Variants in RBFOX1 observed in about 807,000 individuals in gnomAD.
The protein encoded by RBFOX1 is RNA binding protein fox-1 homolog 1.
A neutral mutation model predicts 57.7 loss-of-function variants in RBFOX1; 8 were observed. That is an observed-to-expected ratio of 0.14 (90% CI 0.08 to 0.25). RBFOX1 has a LOEUF of 0.25. RBFOX1 is among the 10% of genes least tolerant of loss of function. The pLI, the probability that RBFOX1 is intolerant of heterozygous loss-of-function variation, is 1.00. For missense variants in RBFOX1, 611 were observed against 548.5 expected (o/e 1.11, Z -1.14); for synonymous variants, 326 against 222.4 (o/e 1.47, Z -4.15).
chr16:5,555,626 C>T (rs2045639711), intron 2 of RBFOX1, among the ~76,000 whole-genome samples: 1 of 152,156 alleles, frequency 6.6e-6, no homozygotes, highest in Non-Finnish European at 1.5e-5. Context: ...TGAAAGTTAC[C>T]ATAATCTGGA....
intron 4 of RBFOX1, among the ~76,000 whole-genome samples, chr16:7,505,813 C>A (rs139419546): frequency 3.3e-5 from 5 of 152,308 alleles, no homozygotes; most frequent in Middle Eastern, 3.4e-3. Context: ...GAATCTGTAA[C>A]ATGGATTCTG....
intron 3 of RBFOX1, among the ~76,000 whole-genome samples, chr16:6,892,810 C>G (rs1029953816): frequency 8.0e-5 from 8 of 99,756 alleles, no homozygotes; most frequent in African/African-American, 2.0e-4. Flanking sequence ...CTCTCTCTCT[C>G]TCTCTCTCTC....
chr16:7,419,046 A>T (rs908800434), intron 4 of RBFOX1, among the ~76,000 whole-genome samples: 1 of 152,094 alleles, frequency 6.6e-6, no homozygotes, highest in African/African-American at 2.4e-5. Flanking sequence ...CTGGGACTAC[A>T]GGTGTTCGTC....
At chr16:6,419,610 A>T (rs982392278) in intron 2 of RBFOX1, among the ~76,000 whole-genome samples, 1 of 152,190 alleles carries the variant, frequency 6.6e-6, no homozygotes, top group African/African-American at 2.4e-5. Context: ...TTCAGAAAAC[A>T]TTCAGAGAGA....
chr16:6,942,422 A>G (rs1192710071), intron 3 of RBFOX1, among the ~76,000 whole-genome samples: 2 of 152,110 alleles, frequency 1.3e-5, no homozygotes, highest in Admixed American at 1.3e-4. Flanking sequence ...GCCTCCCAAA[A>G]TGCTGGGATT....
intron 4 of RBFOX1, among the ~76,000 whole-genome samples, chr16:7,345,379 C>G (rs866108984): frequency 6.6e-6 from 1 of 152,178 alleles, no homozygotes; most frequent in Non-Finnish European, 1.5e-5. Flanking sequence ...CGATGACCAT[C>G]TTAATAAGGC....
rs527353703 is a variant in RBFOX1 at position 6,533,304 on chromosome 16, T to G, written c.-63-121299T>G. ...TTGATTTGAATGCTTTTGGGGAGAA[T>G]GCAGTATCATCAGGAAAATTTGAGA... On this transcript the variant is annotated intron_variant, in intron 2 of 15. Coordinates refer to ENST00000550418, the MANE Select transcript of RBFOX1 (RefSeq NM_018723.4). Among the ~76,000 whole-genome samples, 15 of 152,326 alleles carry G rather than the reference T, an allele frequency of 9.8e-5. 1 individual carries two copies. The highest frequency in any genetic ancestry group is 7.2e-4 in the Admixed American group (11 of 15,300).
chr16:6,676,427 G>C (rs2057701502), intron 3 of RBFOX1, among the ~76,000 whole-genome samples: 1 of 152,194 alleles, frequency 6.6e-6, no homozygotes, highest in Middle Eastern at 3.4e-3. Context: ...AGTAAATAAA[G>C]GTGCCAGGAA....
chr16:6,516,702 G>A (rs757391232), intron 2 of RBFOX1, among the ~76,000 whole-genome samples: 1 of 152,184 alleles, frequency 6.6e-6, no homozygotes, highest in African/African-American at 2.4e-5. Flanking sequence ...CGTGGTGCTA[G>A]TTGCAAGTAA....
intron 4 of RBFOX1, chr16:7,304,218 GA>G: frequency 5.9e-6 from 1 of 169,582 alleles, no homozygotes; most frequent in Admixed American, 9.1e-5. Flanking sequence ...GAGAGACAGA[GA>G]GAGAGAGAGA....
At chr16:7,331,416 C>T (rs913050462) in intron 4 of RBFOX1, among the ~76,000 whole-genome samples, 3 of 152,248 alleles carry the variant, frequency 2.0e-5, no homozygotes, top group African/African-American at 4.8e-5. Flanking sequence ...ATCAGAACTT[C>T]ATATTATTGC....
chr16:6,913,411 C>A (rs989131350), intron 3 of RBFOX1, among the ~76,000 whole-genome samples: 2 of 152,106 alleles, frequency 1.3e-5, no homozygotes, highest in African/African-American at 4.8e-5. Flanking sequence ...CAAGCCACGG[C>A]ATTGTTTGAG....
At chr16:6,312,977 G>A (rs916590562) in intron 1 of RBFOX1, among the ~76,000 whole-genome samples, 8 of 152,106 alleles carry the variant, frequency 5.3e-5, no homozygotes, top group African/African-American at 1.9e-4. Context: ...TGCAAACTGG[G>A]ATATGGGCTA....
intron 3 of RBFOX1, among the ~76,000 whole-genome samples, chr16:6,661,875 C>T (rs1193940120): frequency 6.6e-6 from 1 of 152,144 alleles, no homozygotes; most frequent in South Asian, 2.1e-4. Context: ...TACTGTTGTG[C>T]ATAATGGCTA....
At chr16:6,619,919 C>T (rs1336870476) in intron 2 of RBFOX1, among the ~76,000 whole-genome samples, 2 of 152,022 alleles carry the variant, frequency 1.3e-5, no homozygotes, top group East Asian at 1.9e-4. Context: ...TCCACGTGTT[C>T]TCATGGTTTA....
intron 6 of RBFOX1, among the ~76,000 whole-genome samples, chr16:7,586,467 A>C (rs886491764): frequency 2.0e-5 from 3 of 152,208 alleles, no homozygotes; most frequent in Admixed American, 6.5e-5. Flanking sequence ...ACAGTCGTTG[A>C]ATTTGAAGTT....
rs541581252 is a variant in RBFOX1 at position 6,296,422 on chromosome 16, A to ATTT, written c.-126-20573_-126-20572insTTT. On this transcript the variant is annotated intron_variant, in intron 1 of 15. Transcript: ENST00000550418. ...TTACGATTAAGCGGGGAGGGGATGT[A>ATTT]CTTTTTTTTTTTTTTCGAGGTGGAG... Among the ~76,000 whole-genome samples the ATTT allele has an allele frequency of 6.6e-4, 97 of 147,482 alleles. 4 individuals carry two copies. The highest frequency in any genetic ancestry group is 7.9e-4 in the Non-Finnish European group (53 of 67,066).
intron 3 of RBFOX1, among the ~76,000 whole-genome samples, chr16:5,624,646 A>T (rs1181302117): frequency 1.3e-5 from 2 of 152,186 alleles, no homozygotes; most frequent in African/African-American, 4.8e-5. Flanking sequence ...TGGCTAATGG[A>T]TTCCGACTGC....
chr16:7,706,935 C>T (rs1421135153), intron 14 of RBFOX1, among the ~76,000 whole-genome samples: 1 of 152,092 alleles, frequency 6.6e-6, no homozygotes, highest in African/African-American at 2.4e-5. Context: ...ACACATCTGC[C>T]CTTGGACCGA....
Sources: gnomAD v4.1 joint callset for allele counts (sites outside exome capture counted in the v4.1 genomes callset) on GRCh38, gnomAD v4.1.1 for gene constraint, MANE v1.5 for transcripts, NCBI Gene and HGNC (gene_info 2026-07-23, HGNC 2026-07-21) for gene names.